Variants in COX20 observed in about 807,000 individuals in gnomAD.
COX20 encodes the protein cytochrome c oxidase assembly protein COX20, mitochondrial.
In COX20, 14 loss-of-function variants were observed where a neutral mutation model predicts 14.3. The observed-to-expected ratio is 0.98, with a 90% CI of 0.65 to 1.53. The LOEUF is 1.53. COX20 is among the 40% of genes most tolerant of loss of function. The pLI is 0.00. For missense variants in COX20, 149 were observed against 142.1 expected (o/e 1.05, Z -0.25); for synonymous variants, 56 against 51.7 (o/e 1.08, Z -0.36).
At chr1:244,836,334 C>G (rs1409541043) in intron 1 of COX20, 26 of 659,730 alleles carry the variant, frequency 3.9e-5, no homozygotes, top group Non-Finnish European at 6.7e-5. Flanking sequence ...GTTTTCATTC[C>G]TCTGCCTAAC....
At chr1:244,841,871 TTGTCATTTTTGCCAAAGCACCCCAAAA>T (rs1680213382) in intron 1 of COX20, 46 bp from the exon 2 acceptor site, 1 of 850,748 alleles carries the variant, frequency 1.2e-6, no homozygotes, top group Admixed American at 2.2e-5. Flanking sequence ...AAATGGTGTA[TTGTCATTTTTGCCAAAGCACCCCAAAA>T]TGAAATACTT....
At chr1:244,841,923 G>C (rs754453420) in intron 1 of COX20, 21 bp from the exon 2 acceptor site, 3 of 1,414,382 alleles carry the variant, frequency 2.1e-6, no homozygotes, top group Admixed American at 2.0e-5. Flanking sequence ...ACTCAATCTA[G>C]GTTCTTTTTT....
chr1:244,841,868 G>A, intron 1 of COX20, 76 bp from the exon 2 acceptor site: 1 of 825,376 alleles, frequency 1.2e-6, no homozygotes, highest in South Asian at 1.5e-5. Flanking sequence ...AAGAAATGGT[G>A]TATTGTCATT....
At chr1:244,842,380 A>AT (rs766369122) in intron 3 of COX20, 122 bp downstream of exon 3, 327 of 731,468 alleles carry the variant, frequency 4.5e-4, no homozygotes, top group Non-Finnish European at 7.3e-4. Flanking sequence ...AAGAATCTTG[A>AT]TTTTTCAGGA....
intron 1 of COX20, among the ~76,000 whole-genome samples, chr1:244,838,798 T>G (rs535326643): frequency 2.8e-4 from 41 of 144,858 alleles, no homozygotes; most frequent in South Asian, 1.4e-3. Flanking sequence ...GATTTTTGGG[T>G]TTTTTTTTTG....
chr1:244,840,692 C>G (rs1306803045), intron 1 of COX20: 1 of 152,176 alleles, frequency 6.6e-6, no homozygotes, highest in African/African-American at 2.4e-5. Flanking sequence ...TTTGTCTCTT[C>G]CAACAGATGC....
intron 1 of COX20, among the ~76,000 whole-genome samples, chr1:244,837,944 CATTTTT>C (rs1265291267): frequency 1.3e-5 from 2 of 152,126 alleles, no homozygotes; most frequent in East Asian, 3.9e-4. Flanking sequence ...ATCTGATACA[CATTTTT>C]ATGAGTAGAA....
chr1:244,835,404 C>G (rs1227981378), upstream of COX20: 4 of 322,554 alleles, frequency 1.2e-5, no homozygotes, highest in Admixed American at 5.0e-5. Flanking sequence ...CGGTTACGCC[C>G]CCACCTCGCC....
chr1:244,843,928 C>T lies in COX20; in HGVS notation c.*752C>T, dbSNP rs1680318761. On this transcript the variant is annotated 3_prime_UTR_variant, in exon 4 of 4. Transcript: ENST00000411948. ...CAATACCCACAGCATCTAACTAAATCCTCAGGATTTATTCTCCGGGAGAAA... is the reference window on the plus strand; with the variant it reads ...CAATACCCACAGCATCTAACTAAATTCTCAGGATTTATTCTCCGGGAGAAA... 6.6e-6 allele frequency: 1 copy of T among 152,170 alleles called. No homozygotes were observed. The highest frequency in any genetic ancestry group is 1.5e-5 in the Non-Finnish European group (1 of 68,036). The allele number at this position is 152,170 out of a possible 1,614,324, so 9.4% of individuals were successfully genotyped here. A position where few individuals can be genotyped will look rare whatever the true frequency, so the allele number is the denominator to read the frequency against.
At chr1:244,840,179 A>C (rs944254762) in intron 1 of COX20, 6 of 152,236 alleles carry the variant, frequency 3.9e-5, no homozygotes, top group Non-Finnish European at 5.9e-5. Flanking sequence ...TTCCTAAAGC[A>C]GTGTTTCCCC....
rs1680217470 is a variant in COX20 at position 244,841,959 on chromosome 1, G to A, written c.58G>A (p.Gly20Arg). The A allele has an allele frequency of 1.3e-6, 2 of 1,595,424 alleles. No individual in the cohort carries two copies. Among genetic ancestry groups the A allele is most frequent in the Admixed American group, 1.7e-5 (1 of 59,656 alleles). ...PEERKSLKLL[G>R]FLDVENTPCA... The stretch of plus-strand genomic sequence containing the variant: ...TTCATTCTAGTCCCTTAAGCTCCTA[G>A]GATTTTTAGATGTTGAAAATACTCC... Residue 20 changes from glycine to arginine, a missense_variant, in exon 2 of 4, where the codon GGA becomes AGA. By Grantham distance (125) the Gly-to-Arg change is moderately radical. Coordinates refer to ENST00000411948, the MANE Select transcript of COX20 (RefSeq NM_198076.6).
intron 3 of COX20, 28 bp from the exon 4 acceptor site, chr1:244,843,013 C>T (rs760963966): frequency 2.1e-6 from 3 of 1,460,016 alleles, no homozygotes; most frequent in Admixed American, 5.1e-5. Flanking sequence ...TTTATATTAA[C>T]AATTTATTCA....
intron 1 of COX20, chr1:244,841,078 G>A (rs984167086): frequency 1.3e-5 from 2 of 152,206 alleles, no homozygotes; most frequent in South Asian, 4.1e-4. Flanking sequence ...CTGTCTTGCC[G>A]CCCTAGAGTG....
In COX20 at chr1:244,842,059, G is replaced by C; in HGVS notation, c.157+1G>C. On this transcript the variant is annotated splice_donor_variant, in intron 2 of 3. Transcript: ENST00000411948. LOFTEE classifies it high-confidence loss of function. ...GGCTTTGGACATTTTTTGTTCACTA[G>C]TGAGTATCTGTATTTTTTATTTCTC... 2 of 1,586,014 alleles carry C rather than the reference G, an allele frequency of 1.3e-6. No homozygotes were observed. The highest frequency in any genetic ancestry group is 1.7e-6 in the Non-Finnish European group (2 of 1,155,538).
chr1:244,843,563 C>T lies in COX20; in HGVS notation c.*387C>T, dbSNP rs904463470. 21 of 158,938 alleles carry T rather than the reference C, an allele frequency of 1.3e-4. No homozygotes were observed. The highest frequency in any genetic ancestry group is 5.1e-4 in the African/African-American group (21 of 41,574). 9.8% of individuals were successfully genotyped at this position (158,938 alleles called of 1,614,324 possible). On this transcript the variant is annotated 3_prime_UTR_variant, in exon 4 of 4. Coordinates refer to ENST00000411948, the MANE Select transcript of COX20 (RefSeq NM_198076.6). ...CCCATTAAAAAACAGCAAATACTTACTGAGTTCTTGTAAGAGCTAATGTCA... is the reference window on the plus strand; with the variant it reads ...CCCATTAAAAAACAGCAAATACTTATTGAGTTCTTGTAAGAGCTAATGTCA...
chr1:244,843,739 G>T lies in COX20; in HGVS notation c.*563G>T, dbSNP rs1020882159. The stretch of plus-strand genomic sequence containing the variant: ...GCCCTAAACATTTTTGGGGAAGTAT[G>T]CAGGGTTTAAATTTTTAAGTATAAT... On this transcript the variant is annotated 3_prime_UTR_variant, in exon 4 of 4. Coordinates refer to ENST00000411948, the MANE Select transcript of COX20 (RefSeq NM_198076.6). 1 of 152,160 alleles carries T rather than the reference G, an allele frequency of 6.6e-6. No homozygotes were observed. 9.4% of individuals were successfully genotyped at this position (152,160 alleles called of 1,614,324 possible). A position where few individuals can be genotyped will look rare whatever the true frequency, so the allele number is the denominator to read the frequency against.
chr1:244,836,487 A>G (rs1322479312), intron 1 of COX20: 5 of 1,550,404 alleles, frequency 3.2e-6, no homozygotes, highest in Non-Finnish European at 4.4e-6. Flanking sequence ...CTTCCCAGGC[A>G]TCTTGTACGT....
In COX20 at chr1:244,836,504, A is replaced by G. The variant is rs537961393; in HGVS notation, c.42+748A>G. ...TCCCAGGCATCTTGTACGTCGTTAC[A>G]TTTATCATATTGGAAGGTAATAAAT... is the stretch of plus-strand genomic sequence containing the variant. On this transcript the variant is annotated intron_variant, in intron 1 of 3. Transcript: ENST00000411948. 1.8e-5 allele frequency: 28 copies of G among 1,550,608 alleles called. No homozygotes were observed. The East Asian group carries it at 5.4e-4, about 30-fold the overall frequency.
Position 244,843,107 on chromosome 1 carries a change from A to G in COX20, c.288A>G (p.Lys96=), listed in dbSNP as rs1283341288. 6.3e-7 allele frequency: 1 copy of G among 1,598,756 alleles called. No homozygotes were observed. The highest frequency in any genetic ancestry group is 8.5e-7 in the Non-Finnish European group (1 of 1,175,430). The change falls in exon 4 of 4, where the codon AAA becomes AAG. Residue 96 remains lysine, a synonymous_variant. Coordinates refer to ENST00000411948, the MANE Select transcript of COX20 (RefSeq NM_198076.6). ...IQERIAREEI[K]KKILYEGTHL... ...AAAGAATTGCCAGAGAAGAAATTAAAAAGAAGATATTATATGAAGGTACCC... is the reference window on the plus strand; with the variant it reads ...AAAGAATTGCCAGAGAAGAAATTAAGAAGAAGATATTATATGAAGGTACCC...
Sources: gnomAD v4.1 joint callset for allele counts (sites outside exome capture counted in the v4.1 genomes callset) on GRCh38, gnomAD v4.1.1 for gene constraint, MANE v1.5 for transcripts, NCBI Gene and HGNC (gene_info 2026-07-23, HGNC 2026-07-21) for gene names.